The following UGT1A9 variants were observed in gnomAD, a reference collection of about 807,000 sequenced individuals.
UGT1A9 encodes UDP glucuronosyltransferase family 1 member A9.
UGT1A9 carries 35 observed loss-of-function variants against 45.0 expected under a neutral mutation model. The ratio of observed to expected loss-of-function variants is 0.78; its 90% confidence interval spans 0.59 to 1.03. UGT1A9 has a LOEUF of 1.03. Ranked by LOEUF, UGT1A9 falls within the 50% of genes least tolerant of loss-of-function variation. The pLI, the probability that UGT1A9 is intolerant of heterozygous loss-of-function variation, is 0.00. For synonymous variants in UGT1A9, 278 were observed against 250.6 expected, an observed-to-expected ratio of 1.11 and a Z score of -1.03; for missense variants, 687 against 666.6, an observed-to-expected ratio of 1.03 and a Z score of -0.34.
chr2:233,743,824 G>T, intron 1 of UGT1A9: 1 of 1,367,262 alleles, frequency 7.3e-7, no homozygotes, highest in Non-Finnish European at 9.8e-7. Flanking sequence ...TTTTGTCGGG[G>T]TGCCACTTGA....
intron 1 of UGT1A9, chr2:233,739,030 G>A (rs1034959985): frequency 1.3e-5 from 2 of 152,264 alleles, no homozygotes; most frequent in African/African-American, 4.8e-5. Flanking sequence ...TGGCTAAAAG[G>A]GGCCAAGGTA....
intron 1 of UGT1A9, among the ~76,000 whole-genome samples, chr2:233,705,561 T>C (rs974874080): frequency 6.6e-6 from 1 of 152,156 alleles, no homozygotes; most frequent in African/African-American, 2.4e-5. Flanking sequence ...ATATTGCTTG[T>C]GGCAAGGGAT....
chr2:233,766,887 T>G, intron 1 of UGT1A9, 147 bp from the exon 2 acceptor site: 1 of 1,461,916 alleles, frequency 6.8e-7, no homozygotes, highest in Non-Finnish European at 9.0e-7. Context: ...CTGTAAAACT[T>G]ACATATTAAT....
rs746090346 is a variant in UGT1A9, at chr2:233,743,531, A to T, written c.856-23503A>T. 6 of 1,367,280 alleles carry T rather than the reference A, an allele frequency of 4.4e-6. No individual in the cohort carries two copies. The highest frequency in any genetic ancestry group is 5.9e-6 in the Non-Finnish European group (6 of 1,021,864). 84.7% of individuals were successfully genotyped at this position (1,367,280 alleles called of 1,614,324 possible). A position where few individuals can be genotyped will look rare whatever the true frequency, so the allele number is the denominator to read the frequency against. Reference sequence around the variant, plus strand: ...GACGCTCTGCTTCTGCTTCCCCAGCAGTTCCTCTGACCCCCCCAAAATATT... The same window carrying T: ...GACGCTCTGCTTCTGCTTCCCCAGCTGTTCCTCTGACCCCCCCAAAATATT... On this transcript the variant is annotated intron_variant, in intron 1 of 4. Transcript: ENST00000354728.
intron 1 of UGT1A9, chr2:233,729,354 C>A (rs767130471): frequency 2.5e-6 from 4 of 1,614,190 alleles, no homozygotes; most frequent in Non-Finnish European, 2.5e-6. Context: ...ACTTTTTCAC[C>A]CTGACAACCT....
intron 1 of UGT1A9, chr2:233,760,375 A>T (rs1032753915): frequency 1.2e-6 from 2 of 1,614,042 alleles, no homozygotes; most frequent in Admixed American, 1.7e-5. Context: ...TGCTGGGAAG[A>T]TACTGTTGAT....
Position 233,712,865 on chromosome 2 carries a change from G to A in UGT1A9, c.855+40076G>A, listed in dbSNP as rs575994883. The A allele has an allele frequency of 2.8e-4, 439 of 1,573,778 alleles. 3 individuals are homozygous for A. In the African/African-American group the frequency reaches 5.2e-3, roughly 19 times the overall value. On this transcript the variant is annotated intron_variant, in intron 1 of 4. Transcript: ENST00000354728. ...AACGGGTAATAAGTAACTGGAGGAGGGCACTCTGTCTTCAATTACATGTTG... is the reference window on the plus strand; with the variant it reads ...AACGGGTAATAAGTAACTGGAGGAGAGCACTCTGTCTTCAATTACATGTTG...
At chr2:233,682,135 G>T (rs201856078) in intron 1 of UGT1A9, 36 of 1,614,086 alleles carry the variant, frequency 2.2e-5, no homozygotes, top group Non-Finnish European at 5.1e-6. Flanking sequence ...GTTGGCAACT[G>T]GGAAGATCAC....
intron 1 of UGT1A9, among the ~76,000 whole-genome samples, chr2:233,686,521 C>A (rs752399800): frequency 6.6e-6 from 1 of 152,196 alleles, no homozygotes; most frequent in South Asian, 2.1e-4. Context: ...CCTCCACCTG[C>A]GTTAGAACCT....
intron 1 of UGT1A9, among the ~76,000 whole-genome samples, chr2:233,748,662 A>G (rs1454000356): frequency 4.0e-5 from 6 of 151,710 alleles, no homozygotes; most frequent in Non-Finnish European, 8.8e-5. Flanking sequence ...TTCAGTTTCC[A>G]GAGAGGGATC....
intron 1 of UGT1A9, among the ~76,000 whole-genome samples, chr2:233,716,238 T>C (rs17863791): frequency 0.1 from 15,440 of 152,242 alleles, 905 homozygotes; most frequent in East Asian, 0.2. Context: ...TACATTGTCC[T>C]GCCCGGACAT....
At chr2:233,747,948 G>T in intron 1 of UGT1A9, 1 of 1,613,450 alleles carries the variant, frequency 6.2e-7, no homozygotes, top group South Asian at 1.1e-5. Flanking sequence ...GGTGTCAGTG[G>T]TGGATCTTCT....
chr2:233,766,611 C>T (rs972496643), intron 1 of UGT1A9, among the ~76,000 whole-genome samples: 4 of 152,176 alleles, frequency 2.6e-5, no homozygotes, highest in African/African-American at 4.8e-5. Flanking sequence ...ACACCCTCTT[C>T]TACCCAGCAC....
At chr2:233,677,765 T>C (rs2074399039) in intron 1 of UGT1A9, among the ~76,000 whole-genome samples, 1 of 151,994 alleles carries the variant, frequency 6.6e-6, no homozygotes, top group African/African-American at 2.4e-5. Flanking sequence ...GGGAAGTAGT[T>C]TGGAGATTTT....
chr2:233,760,379 TG>T (rs1308601724), intron 1 of UGT1A9: 1 of 1,614,196 alleles, frequency 6.2e-7, no homozygotes, highest in East Asian at 2.2e-5. Flanking sequence ...GGGAAGATAC[TG>T]TTGATCCCAG....
At chr2:233,682,729 C>G in intron 1 of UGT1A9, 19 of 1,613,830 alleles carry the variant, frequency 1.2e-5, no homozygotes, top group Non-Finnish European at 1.6e-5. Context: ...ATCCCAAACC[C>G]GTGATGCCCA....
chr2:233,711,162 G>A (rs2076166614), intron 1 of UGT1A9, among the ~76,000 whole-genome samples: 1 of 152,150 alleles, frequency 6.6e-6, no homozygotes, highest in African/African-American at 2.4e-5. Flanking sequence ...CCTATTTCCT[G>A]GGCACCAGGA....
chr2:233,699,798 C>T (rs1205226155), intron 1 of UGT1A9, among the ~76,000 whole-genome samples: 1 of 152,194 alleles, frequency 6.6e-6, no homozygotes, highest in Non-Finnish European at 1.5e-5. Flanking sequence ...CTCTCATATT[C>T]TGGAGTCATC....
At chr2:233,724,293 C>A (rs1226718888) in intron 1 of UGT1A9, among the ~76,000 whole-genome samples, 7 of 135,018 alleles carry the variant, frequency 5.2e-5, no homozygotes, top group Non-Finnish European at 8.1e-5. Flanking sequence ...GGGGGCTGAC[C>A]CCCCCACCTC....
Sources: allele counts gnomAD v4.1 joint callset (sites outside exome capture counted in the v4.1 genomes callset), GRCh38; gene constraint gnomAD v4.1.1; transcripts MANE v1.5; gene names NCBI Gene and HGNC (gene_info 2026-07-23, HGNC 2026-07-21).